PRIM2: variants seen among roughly 807,000 people sequenced by gnomAD.
PRIM2 encodes the protein DNA primase large subunit.
A neutral mutation model predicts 67.3 loss-of-function variants in PRIM2; 39 were observed. The observed-to-expected ratio is 0.58, with a 90% CI of 0.45 to 0.76. The LOEUF (loss-of-function observed/expected upper bound fraction) is 0.76. PRIM2 is among the 30% of genes least tolerant of loss of function. The pLI is 0.00. For synonymous variants in PRIM2, 143 were observed against 198.7 expected (o/e 0.72, Z 2.36); for missense variants, 398 against 598.7 (o/e 0.66, Z 3.50).
At chr6:57,572,694 C>G (rs1197477478) in intron 10 of PRIM2, among the ~76,000 whole-genome samples, 2 of 152,188 alleles carry the variant, frequency 1.3e-5, no homozygotes, top group Non-Finnish European at 2.9e-5. Flanking sequence ...CCTGCCATTA[C>G]AGTTCACTGT....
intron 7 of PRIM2, among the ~76,000 whole-genome samples, chr6:57,458,126 T>G (rs1323968466): frequency 6.6e-6 from 1 of 152,204 alleles, no homozygotes; most frequent in African/African-American, 2.4e-5. Context: ...ATAATAGAAA[T>G]GACCCACATT....
intron 5 of PRIM2, among the ~76,000 whole-genome samples, chr6:57,337,095 G>C (rs1768280316): frequency 6.6e-6 from 1 of 152,098 alleles, no homozygotes; most frequent in Non-Finnish European, 1.5e-5. Flanking sequence ...AACCAACAAA[G>C]ATCAAAAGAG....
intron 7 of PRIM2, among the ~76,000 whole-genome samples, chr6:57,456,524 A>G (rs2127394025): frequency 6.6e-6 from 1 of 152,052 alleles, no homozygotes; most frequent in East Asian, 1.9e-4. Context: ...TTCTTGCTTC[A>G]TTTGATTCAT....
chr6:57,486,615 C>G (rs1773758049), intron 7 of PRIM2, among the ~76,000 whole-genome samples: 2 of 152,368 alleles, frequency 1.3e-5, no homozygotes, highest in African/African-American at 4.8e-5. Context: ...ACAGTGAACA[C>G]ATTCCTGATG....
chr6:57,540,068 G>T (rs1171072690), intron 10 of PRIM2, among the ~76,000 whole-genome samples: 3 of 151,962 alleles, frequency 2.0e-5, no homozygotes, highest in Admixed American at 6.6e-5. Flanking sequence ...GTTCAGAAAG[G>T]TTTTAAATTA....
chr6:57,448,721 A>G (rs1772438581), intron 7 of PRIM2, among the ~76,000 whole-genome samples: 1 of 152,194 alleles, frequency 6.6e-6, no homozygotes, highest in Non-Finnish European at 1.5e-5. Context: ...TGGAGTTGGC[A>G]GAAAGGAATG....
At chr6:57,588,677 C>T (rs2127487663) in intron 10 of PRIM2, among the ~76,000 whole-genome samples, 1 of 152,162 alleles carries the variant, frequency 6.6e-6, no homozygotes, top group South Asian at 2.1e-4. Flanking sequence ...GTTGTTTTAA[C>T]TGCAGTGCCA....
the PRIM2 span, among the ~76,000 whole-genome samples, chr6:57,300,367 C>A: frequency 1.4e-4 from 22 of 152,162 alleles, 1 homozygote; most frequent in Admixed American, 4.6e-4. Context: ...AGAATAAACA[C>A]CCTGGGCTTC....
the PRIM2 span, among the ~76,000 whole-genome samples, chr6:57,269,119 C>T: frequency 6.6e-6 from 1 of 152,084 alleles, no homozygotes; most frequent in Non-Finnish European, 1.5e-5. Flanking sequence ...TTTATAGCAG[C>T]ATGATTTACA....
chr6:57,252,534 G>A, the PRIM2 span, among the ~76,000 whole-genome samples: 2 of 152,120 alleles, frequency 1.3e-5, no homozygotes, highest in African/African-American at 2.4e-5. Flanking sequence ...TCTGCCTCCC[G>A]GGTTCAAGGG....
chr6:57,302,605 T>C, the PRIM2 span, among the ~76,000 whole-genome samples: 1 of 152,210 alleles, frequency 6.6e-6, no homozygotes, highest in Non-Finnish European at 1.5e-5. Context: ...TGCCTTAATA[T>C]TTTGTAACTC....
At chr6:57,397,807 T>C (rs1770568398) in intron 7 of PRIM2, among the ~76,000 whole-genome samples, 1 of 152,072 alleles carries the variant, frequency 6.6e-6, no homozygotes, top group Non-Finnish European at 1.5e-5. Context: ...TGGTGATTTC[T>C]TGTCTTTTGC....
chr6:57,336,141 A>T (rs963270673), intron 5 of PRIM2, among the ~76,000 whole-genome samples: 3 of 152,236 alleles, frequency 2.0e-5, no homozygotes, highest in Non-Finnish European at 4.4e-5. Flanking sequence ...AAATGAAGCG[A>T]GAAGGGAAGT....
At chr6:57,477,772 T>C (rs1436474391) in intron 7 of PRIM2, among the ~76,000 whole-genome samples, 2 of 152,218 alleles carry the variant, frequency 1.3e-5, no homozygotes, top group African/African-American at 4.8e-5. Flanking sequence ...GAAAGACTTA[T>C]TTGTTTAAAA....
the PRIM2 span, among the ~76,000 whole-genome samples, chr6:57,290,815 C>T: frequency 6.6e-6 from 1 of 152,118 alleles, no homozygotes; most frequent in African/African-American, 2.4e-5. Flanking sequence ...CGAACAAAGA[C>T]ACAACATACC....
chr6:57,630,354 T>G (rs1429549312), intron 12 of PRIM2, among the ~76,000 whole-genome samples: 1 of 152,116 alleles, frequency 6.6e-6, no homozygotes, highest in Non-Finnish European at 1.5e-5. Flanking sequence ...TGGGGTCAGG[T>G]CAGGGGAAGA....
chr6:57,513,520 G>A (rs1554347907), intron 8 of PRIM2, among the ~76,000 whole-genome samples: 10,649 of 151,970 alleles, frequency 0.07, 523 homozygotes, highest in East Asian at 0.2. Flanking sequence ...CGCCTACAGT[G>A]TATGTATCTT....
chr6:57,285,702 G>A, the PRIM2 span, among the ~76,000 whole-genome samples: 1 of 152,070 alleles, frequency 6.6e-6, no homozygotes, highest in East Asian at 1.9e-4. Flanking sequence ...ACTGTCACAA[G>A]AACAGGATGC....
chr6:57,381,736 A>T (rs1417043567), intron 6 of PRIM2, among the ~76,000 whole-genome samples: 1 of 152,198 alleles, frequency 6.6e-6, no homozygotes, highest in Admixed American at 6.5e-5. Context: ...AAGAGTTTGA[A>T]ATCCTGGGGA....
Sources: gnomAD v4.1 joint callset for allele counts (sites outside exome capture counted in the v4.1 genomes callset) on GRCh38, gnomAD v4.1.1 for gene constraint, MANE v1.5 for transcripts, NCBI Gene and HGNC (gene_info 2026-07-23, HGNC 2026-07-21) for gene names.